The following ATP8B2 variants were observed in gnomAD, a reference collection of about 807,000 sequenced individuals.
ATP8B2 encodes the protein ATPase phospholipid transporting 8B2, also known as phospholipid-transporting ATPase ID.
Under a neutral mutation model 133.4 loss-of-function variants are expected in ATP8B2, and 70 were observed. That is an observed-to-expected ratio of 0.52 (90% CI 0.43 to 0.64). The LOEUF (loss-of-function observed/expected upper bound fraction) is 0.64, where lower values mean the gene tolerates loss of function less well. Among genes scored for constraint, ATP8B2 ranks in the 30% least tolerant of loss-of-function variants. The pLI is 0.00. For synonymous variants in ATP8B2, 517 were observed against 589.5 expected (o/e 0.88, Z 1.78); for missense variants, 1,101 against 1,535.7 (o/e 0.72, Z 4.73).
At position 154,337,879 on chromosome 1, in the gene ATP8B2, G is replaced by A. The variant is rs1052169338; in HGVS notation, c.1034+335G>A. 5 of 785,958 alleles carry A rather than the reference G, an allele frequency of 6.4e-6. No homozygotes were observed. In the African/African-American group the frequency reaches 7.1e-5, roughly 11 times the overall value. 48.7% of individuals were successfully genotyped at this position (785,958 alleles called of 1,614,324 possible). Reference sequence around the variant, plus strand: ...CCTTCCTTCTAGGAGCTTACGTCTAGTAAAGGAAGGAAAATCTAAACACAT... The same window carrying A: ...CCTTCCTTCTAGGAGCTTACGTCTAATAAAGGAAGGAAAATCTAAACACAT... On this transcript the variant is annotated intron_variant, in intron 12 of 27. Coordinates refer to ENST00000368489, the MANE Select transcript of ATP8B2 (RefSeq NM_001370597.1).
chr1:154,333,936 G>A (rs994741857), intron 9 of ATP8B2, among the ~76,000 whole-genome samples, 171 bp from the exon 10 acceptor site: 2 of 152,160 alleles, frequency 1.3e-5, no homozygotes, highest in African/African-American at 4.8e-5. Flanking sequence ...CGCCCGGCCT[G>A]CTTCATTATT....
chr1:154,334,234 C>T lies in ATP8B2; in HGVS notation c.717C>T (p.Thr239=), dbSNP rs1199032984. The T allele has an allele frequency of 6.2e-6, 10 of 1,614,012 alleles. No individual in the cohort carries two copies. The highest frequency in any genetic ancestry group is 2.2e-5 in the South Asian group (2 of 91,088). The change falls in exon 10 of 28, where the codon ACC becomes ACT. Residue 239 remains threonine, a synonymous_variant. Transcript: ENST00000368489. This position sits in a 1 kb window ranked among gnomAD's most constrained non-coding sequence, Gnocchi z 4.6. ...MLLRGCVLRN[T]EWCFGLVIFA... The stretch of plus-strand genomic sequence containing the variant: ...TGCGGGGCTGTGTGCTGCGAAACAC[C>T]GAGTGGTGCTTCGGGCTGGTCATCT...
In ATP8B2 at chr1:154,343,476, C is replaced by G. The variant is rs756267380; in HGVS notation, c.1666C>G (p.Arg556Gly). ...AGTGCGGAATCCAGAGGGGAAGATC[C>G]GACTCTACTGCAAAGGGGCTGACAC... ...VIVRNPEGKI[R>G]LYCKGADTIL... The change falls in exon 17 of 28, where the codon CGA becomes GGA. Residue 556 changes from arginine (R) to glycine (G), a missense_variant. Physicochemically the swap from Arg to Gly is moderately radical, Grantham distance 125. Coordinates refer to ENST00000368489, the MANE Select transcript of ATP8B2 (RefSeq NM_001370597.1). The surrounding 1 kb of genome is among the most constrained non-coding windows in gnomAD (Gnocchi z 5.8). 1 of 1,614,038 alleles carries G rather than the reference C, an allele frequency of 6.2e-7. No homozygotes were observed. The highest frequency in any genetic ancestry group is 1.7e-5 in the Admixed American group (1 of 60,004).
intron 13 of ATP8B2, among the ~76,000 whole-genome samples, chr1:154,341,975 G>A (rs1164143573): frequency 1.3e-5 from 2 of 152,098 alleles, no homozygotes; most frequent in Non-Finnish European, 2.9e-5. Context: ...CAGGGTCCTT[G>A]TGAGTCTGTG....
At chr1:154,329,193 G>A (rs1422872281) in intron 2 of ATP8B2, 1 of 982,396 alleles carries the variant, frequency 1.0e-6, no homozygotes, top group African/African-American at 1.8e-5. Context: ...CAGACCCAGA[G>A]ATCCTGGCTC....
Position 154,334,659 on chromosome 1 carries a change from C to G in ATP8B2, c.837+68C>G. 1 of 1,387,580 alleles carries G rather than the reference C, an allele frequency of 7.2e-7. No homozygotes were observed. Among genetic ancestry groups the G allele is most frequent in the Non-Finnish European group, 1.0e-6 (1 of 987,076 alleles). 86.0% of individuals were successfully genotyped at this position (1,387,580 alleles called of 1,614,324 possible). The stretch of plus-strand genomic sequence containing the variant: ...CTCCTTGGGTGCTCCTTTTCCTTTC[C>G]TCTTTCTTCTTTGGTCAGTAGACTT... On this transcript the variant is annotated intron_variant, in intron 11 of 27. Transcript: ENST00000368489. This position sits in a 1 kb window ranked among gnomAD's most constrained non-coding sequence, Gnocchi z 4.6.
Position 154,349,229 on chromosome 1 carries a change from C to T in ATP8B2, c.*111C>T. ...TCCTCATTCCTTGCTTCCCGTCCCC[C>T]CGGTAGACTCTGTCCTGCTGGTCCC... On this transcript the variant is annotated 3_prime_UTR_variant, in exon 28 of 28. Transcript: ENST00000368489. The T allele has an allele frequency of 7.4e-7, 1 of 1,359,684 alleles. No homozygotes were observed. The highest frequency in any genetic ancestry group is 1.0e-6 in the Non-Finnish European group (1 of 999,426). The allele number at this position is 1,359,684 out of a possible 1,614,324, so 84.2% of individuals were successfully genotyped here.
chr1:154,346,085 T>A lies in ATP8B2; in HGVS notation c.2779-146T>A, dbSNP rs890556107. The A allele has an allele frequency of 8.0e-7, 1 of 1,250,420 alleles. No homozygotes were observed. The highest frequency in any genetic ancestry group is 1.1e-6 in the Non-Finnish European group (1 of 884,440). The allele number at this position is 1,250,420 out of a possible 1,614,324, so 77.5% of individuals were successfully genotyped here. A position where few individuals can be genotyped will look rare whatever the true frequency, so the allele number is the denominator to read the frequency against. Reference sequence around the variant, plus strand: ...CTTGGGTTGCTGAACTAAGTTAGTCTGGGGGTAGCTGGCTTGAGGTTGGTT... The same window carrying A: ...CTTGGGTTGCTGAACTAAGTTAGTCAGGGGGTAGCTGGCTTGAGGTTGGTT... On this transcript the variant is annotated intron_variant, in intron 24 of 27. Transcript: ENST00000368489. This position sits in a 1 kb window ranked among gnomAD's most constrained non-coding sequence, Gnocchi z 4.5.
chr1:154,344,944 GCT>G lies in ATP8B2; in HGVS notation c.2287-21_2287-20del. ...TCCCAGGTGTCTCCTGGAAAGACTG[GCT>G]CTCTCAGGTTTCTCTGTGCTCCAGG... On this transcript the variant is annotated intron_variant, in intron 21 of 27. Coordinates refer to ENST00000368489, the MANE Select transcript of ATP8B2 (RefSeq NM_001370597.1). This position sits in a 1 kb window ranked among gnomAD's most constrained non-coding sequence, Gnocchi z 4.1. 6.3e-7 allele frequency: 1 copy of G among 1,594,196 alleles called. No individual in the cohort carries two copies. Among genetic ancestry groups the G allele is most frequent in the Non-Finnish European group, 8.6e-7 (1 of 1,168,800 alleles).
At position 154,331,688 on chromosome 1, in the gene ATP8B2, A is replaced by G. The variant is rs755252835; in HGVS notation, c.438+10A>G. The G allele has an allele frequency of 1.2e-6, 2 of 1,612,394 alleles. No individual in the cohort carries two copies. The highest frequency in any genetic ancestry group is 1.7e-6 in the Non-Finnish European group (2 of 1,178,342). On this transcript the variant is annotated intron_variant, in intron 7 of 27. Transcript: ENST00000368489. This position sits in a 1 kb window ranked among gnomAD's most constrained non-coding sequence, Gnocchi z 4.8. ...TAACCAGTTTGTGGCGGTAAGGGAC[A>G]GGGTACCCCTCTAGGCCTGTAGGTT...
chr1:154,332,519 C>A, intron 8 of ATP8B2, 99 bp from the exon 9 acceptor site: 1 of 924,290 alleles, frequency 1.1e-6, no homozygotes, highest in Non-Finnish European at 1.7e-6. Context: ...GATTGTGCGA[C>A]TGCACTCCAG....
chr1:154,334,646 T>C lies in ATP8B2; in HGVS notation c.837+55T>C. The C allele has an allele frequency of 2.0e-6, 3 of 1,469,340 alleles. No homozygotes were observed. The highest frequency in any genetic ancestry group is 2.8e-6 in the Non-Finnish European group (3 of 1,055,780). 91.0% of individuals were successfully genotyped at this position (1,469,340 alleles called of 1,614,324 possible). On this transcript the variant is annotated intron_variant, in intron 11 of 27. Transcript: ENST00000368489. This position sits in a 1 kb window ranked among gnomAD's most constrained non-coding sequence, Gnocchi z 4.6. ...CCTGCCCTCTCTTCTCCTTGGGTGC[T>C]CCTTTTCCTTTCCTCTTTCTTCTTT...
At position 154,346,898 on chromosome 1, in the gene ATP8B2, C is replaced by T. The variant is rs550496701; in HGVS notation, c.3163+140C>T. On this transcript the variant is annotated intron_variant, in intron 26 of 27. Coordinates refer to ENST00000368489, the MANE Select transcript of ATP8B2 (RefSeq NM_001370597.1). This position sits in a 1 kb window ranked among gnomAD's most constrained non-coding sequence, Gnocchi z 4.5. ...TTTTATTTATTTATTTATTTATTTT[C>T]GAGAAGGAGTCTTGCCCAGGCTGGA... is the stretch of plus-strand genomic sequence containing the variant. 1.2e-4 allele frequency: 85 copies of T among 728,074 alleles called. No homozygotes were observed. The East Asian group carries it at 1.8e-3, about 15-fold the overall frequency. The allele number at this position is 728,074 out of a possible 1,614,324, so 45.1% of individuals were successfully genotyped here.
chr1:154,334,531 C>T lies in ATP8B2; in HGVS notation c.777C>T (p.Ser259=), dbSNP rs746542579. 5.0e-6 allele frequency: 8 copies of T among 1,613,926 alleles called. No homozygotes were observed. In the Admixed American group the frequency reaches 5.0e-5, roughly 10 times the overall value. The part of the protein sequence containing the change: ...AGPDTKLMQN[S]GRTKFKRTSI... Reference sequence around the variant, plus strand: ...CCGACACTAAGCTGATGCAAAACAGCGGCAGAACAAAGTTCAAAAGAACGA... The same window carrying T: ...CCGACACTAAGCTGATGCAAAACAGTGGCAGAACAAAGTTCAAAAGAACGA... The change falls in exon 11 of 28, where the codon AGC becomes AGT. Residue 259 remains serine (S), a synonymous_variant. Transcript: ENST00000368489. This position sits in a 1 kb window ranked among gnomAD's most constrained non-coding sequence, Gnocchi z 4.6.
At chr1:154,342,771 C>T (rs370975203) in intron 14 of ATP8B2, 25 bp from the exon 15 acceptor site, 2 of 1,611,520 alleles carry the variant, frequency 1.2e-6, no homozygotes, top group South Asian at 1.1e-5. Flanking sequence ...CTAGCCTTTC[C>T]TAAGAGCCTT....
At chr1:154,335,821 C>T (rs1050088737) in intron 11 of ATP8B2, among the ~76,000 whole-genome samples, 5 of 152,054 alleles carry the variant, frequency 3.3e-5, no homozygotes, top group South Asian at 2.1e-4. Context: ...GGGTGGATCA[C>T]GAGGTCAAGA....
At chr1:154,333,173 C>T (rs1195767859) in intron 9 of ATP8B2, among the ~76,000 whole-genome samples, 1 of 151,866 alleles carries the variant, frequency 6.6e-6, no homozygotes, top group Non-Finnish European at 1.5e-5. Context: ...ATTAGCTGGG[C>T]GTGGTGCTGC....
chr1:154,331,912 G>C lies in ATP8B2; in HGVS notation c.439-42G>C. 1 of 1,577,856 alleles carries C rather than the reference G, an allele frequency of 6.3e-7. No homozygotes were observed. The highest frequency in any genetic ancestry group is 8.7e-7 in the Non-Finnish European group (1 of 1,147,112). ...CCACCATTACAGCCCACTGGGGGTG[G>C]AGGTTTGCATATTTGGACTTCTCAT... On this transcript the variant is annotated intron_variant, in intron 7 of 27. Transcript: ENST00000368489. This position sits in a 1 kb window ranked among gnomAD's most constrained non-coding sequence, Gnocchi z 4.8.
chr1:154,332,677 G>C lies in ATP8B2; in HGVS notation c.569G>C (p.Ser190Thr). 6.3e-7 allele frequency: 1 copy of C among 1,581,444 alleles called. No homozygotes were observed. The highest frequency in any genetic ancestry group is 8.6e-7 in the Non-Finnish European group (1 of 1,162,204). ...GTCACCTCAGAATTGGGAGACATCA[G>C]TAAGCTTGCCAAGTTTGACGGTGAG... ...IPVTSELGDI[S>T]KLAKFDGEVI... The change falls in exon 9 of 28, where the codon AGT (serine) becomes ACT (threonine). Residue 190 changes from serine (S) to threonine (T), a missense_variant. Transcript: ENST00000368489.
Sources: gnomAD v4.1 joint callset for allele counts (sites outside exome capture counted in the v4.1 genomes callset) on GRCh38, gnomAD v4.1.1 for gene constraint, Gnocchi (gnomAD v3.1) non-coding constraint, MANE v1.5 for transcripts, NCBI Gene and HGNC (gene_info 2026-07-23, HGNC 2026-07-21) for gene names.